The following ZDHHC20 variants were observed in gnomAD, a reference collection of about 807,000 sequenced individuals.
ZDHHC20 encodes the protein palmitoyltransferase ZDHHC20.
Under a neutral mutation model 57.8 loss-of-function variants are expected in ZDHHC20, and 43 were observed. The ratio of observed to expected loss-of-function variants is 0.74; its 90% CI spans 0.58 to 0.96. ZDHHC20 has a LOEUF of 0.96. ZDHHC20 is among the 40% of genes least tolerant of loss of function. The probability of loss-of-function intolerance (pLI) is 0.00; values close to 1 mark genes in which losing one functional copy is unlikely to be tolerated. For synonymous variants in ZDHHC20, 157 were observed against 153.0 expected, an observed-to-expected ratio of 1.03 and a Z score of -0.19; for missense variants, 391 against 441.1, an observed-to-expected ratio of 0.89 and a Z score of 1.02.
intron 1 of ZDHHC20, among the ~76,000 whole-genome samples, chr13:21,433,168 C>A (rs1882169998): frequency 6.6e-6 from 1 of 152,040 alleles, no homozygotes; most frequent in Non-Finnish European, 1.5e-5. Context: ...GCTGTATTGC[C>A]CAGGCTTGTC....
intron 1 of ZDHHC20, among the ~76,000 whole-genome samples, chr13:21,443,503 T>A (rs1883377960): frequency 6.6e-6 from 1 of 152,214 alleles, no homozygotes; most frequent in South Asian, 2.1e-4. Flanking sequence ...TTTCAAAAAT[T>A]CTCTATGTCC....
chr13:21,416,216 A>AG (rs1350150394), intron 3 of ZDHHC20, among the ~76,000 whole-genome samples: 4 of 151,636 alleles, frequency 2.6e-5, no homozygotes, highest in African/African-American at 9.7e-5. Flanking sequence ...AAAAAAAAAA[A>AG]AAAAAAAGAA....
At chr13:21,398,291 C>T (rs1318547559) in intron 7 of ZDHHC20, among the ~76,000 whole-genome samples, 20 of 152,028 alleles carry the variant, frequency 1.3e-4, no homozygotes, top group Admixed American at 9.8e-4. Flanking sequence ...GGTGAAACCC[C>T]GTCTCTACTA....
Position 21,373,419 on chromosome 13 carries a change from T to G in ZDHHC20, c.*3277A>C, listed in dbSNP as rs775870339. 9.2e-5 allele frequency: 14 copies of G among 152,242 alleles called. No individual in the cohort carries two copies. Among genetic ancestry groups the G allele is most frequent in the Non-Finnish European group, 1.6e-4 (11 of 68,036 alleles). The allele number at this position is 152,242 out of a possible 1,614,324, so 9.4% of individuals were successfully genotyped here. A position where few individuals can be genotyped will look rare whatever the true frequency, so the allele number is the denominator to read the frequency against. ...TATTTGATTTAAACCACCTTACAGTTAAATTCACTCATGACACATTGGATC... is the reference window on the plus strand; with the variant it reads ...TATTTGATTTAAACCACCTTACAGTGAAATTCACTCATGACACATTGGATC... On this transcript the variant is annotated 3_prime_UTR_variant, in exon 13 of 13. Coordinates refer to ENST00000400590, the MANE Select transcript of ZDHHC20 (RefSeq NM_001330059.2).
intron 7 of ZDHHC20, among the ~76,000 whole-genome samples, chr13:21,396,493 A>G (rs1194585999): frequency 6.6e-6 from 1 of 152,110 alleles, no homozygotes; most frequent in Non-Finnish European, 1.5e-5. Context: ...AAAATATAAA[A>G]CTTTGATGTG....
intron 1 of ZDHHC20, among the ~76,000 whole-genome samples, chr13:21,442,435 GCTGA>G (rs1250638890): frequency 3.3e-5 from 5 of 151,976 alleles, no homozygotes; most frequent in Admixed American, 2.6e-4. Context: ...CTTCCTGCTC[GCTGA>G]CTGTTTTTAT....
chr13:21,443,950 G>A (rs898905992), intron 1 of ZDHHC20, among the ~76,000 whole-genome samples: 12 of 152,172 alleles, frequency 7.9e-5, no homozygotes, highest in African/African-American at 2.2e-4. Flanking sequence ...ACCACCTGAC[G>A]TCAGGAGTCA....
At chr13:21,447,745 C>T (rs1238046077) in intron 1 of ZDHHC20, among the ~76,000 whole-genome samples, 1 of 93,004 alleles carries the variant, frequency 1.1e-5, no homozygotes, top group African/African-American at 3.6e-5. Context: ...GGCCGCCCAT[C>T]GTCTGGGATG....
intron 1 of ZDHHC20, among the ~76,000 whole-genome samples, chr13:21,450,295 G>A (rs990831496): frequency 1.3e-5 from 2 of 152,150 alleles, no homozygotes; most frequent in Non-Finnish European, 2.9e-5. Context: ...CAGAGAAGCA[G>A]CCAGGCTTTT....
chr13:21,426,733 G>T (rs962423354), intron 1 of ZDHHC20, among the ~76,000 whole-genome samples: 4 of 151,696 alleles, frequency 2.6e-5, no homozygotes, highest in African/African-American at 9.7e-5. Flanking sequence ...AGCTTCCCGA[G>T]TAGCTGGGAT....
chr13:21,405,463 T>G (rs1340692859), intron 4 of ZDHHC20, among the ~76,000 whole-genome samples: 1 of 152,210 alleles, frequency 6.6e-6, no homozygotes, highest in Non-Finnish European at 1.5e-5. Flanking sequence ...AGCCAAGTTC[T>G]GTCTCACTCA....
chr13:21,387,373 A>G (rs1874731858), intron 9 of ZDHHC20, 135 bp downstream of exon 9: 2 of 624,668 alleles, frequency 3.2e-6, no homozygotes, highest in Non-Finnish European at 2.3e-6. Flanking sequence ...ATAAAAAAAG[A>G]TATTTTGAGT....
At chr13:21,391,520 G>T (rs1398044156) in intron 8 of ZDHHC20, among the ~76,000 whole-genome samples, 2 of 151,994 alleles carry the variant, frequency 1.3e-5, no homozygotes, top group South Asian at 4.2e-4. Context: ...GTCTCCCTAT[G>T]TTGTCTAGGG....
At chr13:21,384,725 G>A (rs890298848) in intron 9 of ZDHHC20, among the ~76,000 whole-genome samples, 6 of 152,154 alleles carry the variant, frequency 3.9e-5, no homozygotes, top group Non-Finnish European at 5.9e-5. Flanking sequence ...CTGAACACAT[G>A]GATTTGGTAG....
At chr13:21,389,172 G>A (rs879586057) in intron 8 of ZDHHC20, among the ~76,000 whole-genome samples, 4 of 152,140 alleles carry the variant, frequency 2.6e-5, no homozygotes, top group Non-Finnish European at 4.4e-5. Flanking sequence ...GAGGGTAAAC[G>A]ATCTCAAGGT....
At chr13:21,414,075 T>C (rs1240587168) in intron 3 of ZDHHC20, among the ~76,000 whole-genome samples, 2 of 152,150 alleles carry the variant, frequency 1.3e-5, no homozygotes, top group Non-Finnish European at 2.9e-5. Flanking sequence ...TAGTCTCCAT[T>C]AGTAAAAATT....
intron 7 of ZDHHC20, among the ~76,000 whole-genome samples, chr13:21,399,027 G>A (rs1877240779): frequency 6.6e-6 from 1 of 152,172 alleles, no homozygotes. Flanking sequence ...TTAAATGAAG[G>A]AGAAAATGTT....
intron 1 of ZDHHC20, among the ~76,000 whole-genome samples, chr13:21,426,212 A>G (rs1881229543): frequency 6.6e-6 from 1 of 152,158 alleles, no homozygotes; most frequent in South Asian, 2.1e-4. Context: ...TACCTCTCTT[A>G]TGTTTTCTTC....
chr13:21,421,212 G>T, intron 2 of ZDHHC20, 48 bp from the exon 3 acceptor site: 1 of 1,481,758 alleles, frequency 6.7e-7, no homozygotes, highest in Non-Finnish European at 9.4e-7. Flanking sequence ...GGTGAAAACA[G>T]CAAAAAGCAT....
Sources: allele counts gnomAD v4.1 joint callset (sites outside exome capture counted in the v4.1 genomes callset), GRCh38; gene constraint gnomAD v4.1.1; transcripts MANE v1.5; gene names NCBI Gene and HGNC (gene_info 2026-07-23, HGNC 2026-07-21).